R3HDM2: variants seen among roughly 807,000 people sequenced by gnomAD.
R3HDM2 encodes the protein R3H domain-containing protein 2.
R3HDM2 carries 38 observed loss-of-function variants against 124.5 expected under a neutral mutation model. The observed-to-expected ratio is 0.31, with a 90% CI of 0.24 to 0.40. The LOEUF is 0.40. R3HDM2 is among the 10% of genes least tolerant of loss of function. The pLI is 1.00. For missense variants in R3HDM2, 869 were observed against 1,236.9 expected, an observed-to-expected ratio of 0.70 and a Z score of 4.46; for synonymous variants, 391 against 448.0, an observed-to-expected ratio of 0.87 and a Z score of 1.61.
chr12:57,420,929 C>T (rs1314511308), intron 1 of R3HDM2, among the ~76,000 whole-genome samples: 2 of 152,130 alleles, frequency 1.3e-5, no homozygotes, highest in African/African-American at 2.4e-5. Context: ...TATGGTTCCA[C>T]AGGTACCTCA....
intron 1 of R3HDM2, among the ~76,000 whole-genome samples, chr12:57,400,748 T>C (rs1031129233): frequency 2.0e-4 from 30 of 152,024 alleles, no homozygotes; most frequent in African/African-American, 5.5e-4. Flanking sequence ...TAACTCTCTA[T>C]AACTAACAAG....
intron 10 of R3HDM2, among the ~76,000 whole-genome samples, chr12:57,293,015 A>C (rs2048970030): frequency 6.6e-6 from 1 of 152,114 alleles, no homozygotes; most frequent in Non-Finnish European, 1.5e-5. Context: ...AAGGAACAAC[A>C]CTGCTTTAGA....
intron 4 of R3HDM2, among the ~76,000 whole-genome samples, chr12:57,302,234 T>A (rs1459135584): frequency 6.7e-6 from 1 of 149,790 alleles, no homozygotes; most frequent in Non-Finnish European, 1.5e-5. Flanking sequence ...TGAGCCGAGA[T>A]CACACCACTG....
intron 2 of R3HDM2, among the ~76,000 whole-genome samples, chr12:57,339,861 T>C (rs1443038372): frequency 6.6e-6 from 1 of 152,140 alleles, no homozygotes; most frequent in East Asian, 1.9e-4. Context: ...TTTTTAATTA[T>C]CCCAAACGGG....
At chr12:57,319,648 G>A (rs1275667587) in intron 2 of R3HDM2, among the ~76,000 whole-genome samples, 3 of 152,070 alleles carry the variant, frequency 2.0e-5, no homozygotes, top group Admixed American at 6.6e-5. Context: ...GCTTCTTTAA[G>A]TCAAGCTTTC....
Position 57,296,475 on chromosome 12 carries a change from T to C in R3HDM2, c.637A>G (p.Met213Val). 3 of 1,552,186 alleles carry C rather than the reference T, an allele frequency of 1.9e-6. No individual in the cohort carries two copies. The highest frequency in any genetic ancestry group is 2.6e-6 in the Non-Finnish European group (3 of 1,147,074). ...CCAGTTTGATCAACATTGTGGTCCATCCCAAAATAGGCAGCTACCCGGTGT... is the reference window on the plus strand; with the variant it reads ...CCAGTTTGATCAACATTGTGGTCCACCCCAAAATAGGCAGCTACCCGGTGT... ...LLHRVAAYFG[M>V]DHNVDQTGKA... Residue 213 changes from methionine (M) to valine (V), a missense_variant, in exon 9 of 24, where the codon ATG becomes GTG. Around this residue, in one of 2 missense-constraint regions of R3HDM2, gnomAD observed 267 missense variants for 447.7 expected, o/e 0.60. Transcript: ENST00000402412. This position sits in a 1 kb window ranked among gnomAD's most constrained non-coding sequence, Gnocchi z 4.5.
At chr12:57,270,225 G>A (rs2043277993) in intron 14 of R3HDM2, among the ~76,000 whole-genome samples, 1 of 151,862 alleles carries the variant, frequency 6.6e-6, no homozygotes, top group African/African-American at 2.4e-5. Context: ...ATAATTGTGT[G>A]TTTTTTTGTT....
At chr12:57,419,144 C>CTTT (rs923524630) in intron 1 of R3HDM2, among the ~76,000 whole-genome samples, 2 of 139,296 alleles carry the variant, frequency 1.4e-5, no homozygotes, top group Middle Eastern at 3.7e-3. Context: ...TTCTCCTTTC[C>CTTT]TTTTTTTTTT....
chr12:57,336,682 A>T (rs1340253787), intron 2 of R3HDM2, among the ~76,000 whole-genome samples: 3 of 152,156 alleles, frequency 2.0e-5, no homozygotes, highest in African/African-American at 7.2e-5. Flanking sequence ...GGGTGACAGG[A>T]GGGAGAGGAC....
intron 1 of R3HDM2, among the ~76,000 whole-genome samples, chr12:57,409,271 T>C (rs1275094125): frequency 6.6e-6 from 1 of 152,104 alleles, no homozygotes; most frequent in Non-Finnish European, 1.5e-5. Flanking sequence ...AAGTTTTTAC[T>C]CTAGTAAAAC....
chr12:57,408,746 T>C lies in R3HDM2; in HGVS notation c.-105-12928A>G, dbSNP rs115943545. ...GAGCAAATCTCAAAAAATATATATATATTTGAAATATGATGATCCATGAGA... is the reference window on the plus strand; with the variant it reads ...GAGCAAATCTCAAAAAATATATATACATTTGAAATATGATGATCCATGAGA... On this transcript the variant is annotated intron_variant, in intron 1 of 23. Coordinates refer to ENST00000402412, the MANE Select transcript of R3HDM2 (RefSeq NM_001394031.1). Among the ~76,000 whole-genome samples, 671 of 152,062 alleles carry C rather than the reference T, an allele frequency of 4.4e-3. 3 individuals are homozygous for C. The highest frequency in any genetic ancestry group is 0.012 in the South Asian group (58 of 4,818).
At position 57,296,475 on chromosome 12, in the gene R3HDM2, T is replaced by A; in HGVS notation, c.637A>T (p.Met213Leu). 1 of 1,552,186 alleles carries A rather than the reference T, an allele frequency of 6.4e-7. No individual in the cohort carries two copies. Among genetic ancestry groups the A allele is most frequent in the Non-Finnish European group, 8.7e-7 (1 of 1,147,074 alleles). The change falls in exon 9 of 24, where the codon ATG becomes TTG. Residue 213 changes from methionine to leucine, a missense_variant. Met to Leu is a conservative substitution (Grantham distance 15). This residue lies in a region of R3HDM2 where 267 missense variants were observed against 447.7 expected (regional missense o/e 0.60). Coordinates refer to ENST00000402412, the MANE Select transcript of R3HDM2 (RefSeq NM_001394031.1). This position sits in a 1 kb window ranked among gnomAD's most constrained non-coding sequence, Gnocchi z 4.5. ...LLHRVAAYFG[M>L]DHNVDQTGKA... ...CCAGTTTGATCAACATTGTGGTCCA[T>A]CCCAAAATAGGCAGCTACCCGGTGT...
At chr12:57,391,242 G>T (rs1318980187) in intron 2 of R3HDM2, among the ~76,000 whole-genome samples, 1 of 152,046 alleles carries the variant, frequency 6.6e-6, no homozygotes, top group Non-Finnish European at 1.5e-5. Context: ...ACCATGGAAC[G>T]CTACTCAGCA....
intron 11 of R3HDM2, among the ~76,000 whole-genome samples, chr12:57,291,817 C>T (rs1365603386): frequency 6.6e-6 from 1 of 152,108 alleles, no homozygotes; most frequent in Non-Finnish European, 1.5e-5. Flanking sequence ...CCCTCTTGTA[C>T]ACCCACAACC....
intron 19 of R3HDM2, among the ~76,000 whole-genome samples, chr12:57,259,654 G>A (rs535205861): frequency 6.6e-6 from 1 of 152,288 alleles, no homozygotes; most frequent in African/African-American, 2.4e-5. Context: ...AGACACAGGG[G>A]CCATATAGGG....
At chr12:57,407,989 G>A (rs2139203008) in intron 1 of R3HDM2, among the ~76,000 whole-genome samples, 1 of 152,080 alleles carries the variant, frequency 6.6e-6, no homozygotes, top group East Asian at 1.9e-4. Flanking sequence ...GAGTGCAGTG[G>A]CGCAAACTCA....
Position 57,269,431 on chromosome 12 carries a change from G to C in R3HDM2, c.1606C>G (p.Pro536Ala), listed in dbSNP as rs1415556448. Residue 536 changes from proline to alanine, a missense_variant, in exon 16 of 24, where the codon CCC (proline) becomes GCC (alanine). Physicochemically the swap from Pro to Ala is conservative, Grantham distance 27. This residue lies in a region of R3HDM2 where 602 missense variants were observed against 789.2 expected (regional missense o/e 0.76). Coordinates refer to ENST00000402412, the MANE Select transcript of R3HDM2 (RefSeq NM_001394031.1). ...TTGGAGTTAGGATATTGTCCAGGGGGATAGTAAGAAACCTGGATCTATGGT... is the reference window on the plus strand; with the variant it reads ...TTGGAGTTAGGATATTGTCCAGGGGCATAGTAAGAAACCTGGATCTATGGT... ...PPQQIQVSYY[P>A]PGQYPNSNQQ... 6.2e-7 allele frequency: 1 copy of C among 1,613,976 alleles called. No individual in the cohort carries two copies. The highest frequency in any genetic ancestry group is 8.5e-7 in the Non-Finnish European group (1 of 1,180,004).
intron 2 of R3HDM2, among the ~76,000 whole-genome samples, chr12:57,341,792 A>G (rs181413317): frequency 5.9e-5 from 9 of 152,284 alleles, no homozygotes; most frequent in Admixed American, 4.6e-4. Flanking sequence ...GACACAGTGA[A>G]GGATATTTAT....
At chr12:57,362,352 G>T (rs1257712676) in intron 2 of R3HDM2, among the ~76,000 whole-genome samples, 4 of 152,100 alleles carry the variant, frequency 2.6e-5, no homozygotes, top group Admixed American at 2.6e-4. Context: ...TCTTCCTTAT[G>T]ATTTTCTTAA....
Sources: allele counts gnomAD v4.1 joint callset (sites outside exome capture counted in the v4.1 genomes callset), GRCh38; gene constraint gnomAD v4.1.1; regional missense constraint gnomAD v4.1.1; non-coding constraint Gnocchi (gnomAD v3.1); transcripts MANE v1.5; gene names NCBI Gene and HGNC (gene_info 2026-07-23, HGNC 2026-07-21).